The following PCCA variants were observed in gnomAD, a reference collection of about 807,000 sequenced individuals.
The protein encoded by PCCA is propionyl-CoA carboxylase subunit alpha.
A neutral mutation model predicts 101.3 loss-of-function variants in PCCA; 74 were observed. That is an observed-to-expected ratio of 0.73 (90% confidence interval 0.61 to 0.89). The LOEUF is 0.89. PCCA is among the 40% of genes least tolerant of loss of function. The probability of loss-of-function intolerance (pLI) is 0.00; values close to 1 mark genes in which losing one functional copy is unlikely to be tolerated. For synonymous variants in PCCA, 294 were observed against 313.6 expected (o/e 0.94, Z 0.66); for missense variants, 891 against 907.0 (o/e 0.98, Z 0.23).
chr13:100,247,363 C>G (rs184044686), intron 8 of PCCA, among the ~76,000 whole-genome samples: 106 of 151,708 alleles, frequency 7.0e-4, no homozygotes, highest in African/African-American at 2.3e-3. Flanking sequence ...ACTACAGGTG[C>G]CTGCCTCCAC....
intron 17 of PCCA, among the ~76,000 whole-genome samples, chr13:100,335,824 C>T (rs1457874459): frequency 6.6e-6 from 1 of 152,180 alleles, no homozygotes; most frequent in Non-Finnish European, 1.5e-5. Flanking sequence ...AATCTAACCC[C>T]CTGGTGAGAT....
chr13:100,185,621 T>C (rs370068559), intron 6 of PCCA, among the ~76,000 whole-genome samples: 1 of 150,552 alleles, frequency 6.6e-6, no homozygotes, highest in East Asian at 2.0e-4. Context: ...AGTGTTGGGA[T>C]TACAAGTTTT....
chr13:100,441,358 CTA>C (rs1381025061), intron 20 of PCCA, among the ~76,000 whole-genome samples: 3 of 152,104 alleles, frequency 2.0e-5, no homozygotes, highest in Non-Finnish European at 4.4e-5. Context: ...AAAAAGAAAA[CTA>C]TTACTATTTC....
At chr13:100,436,320 G>T (rs967314307) in intron 20 of PCCA, among the ~76,000 whole-genome samples, 4 of 152,218 alleles carry the variant, frequency 2.6e-5, no homozygotes, top group South Asian at 4.1e-4. Flanking sequence ...TGCAAATGAA[G>T]ACTTGGCTGG....
chr13:100,406,784 C>G (rs2077708990), intron 19 of PCCA, among the ~76,000 whole-genome samples: 1 of 152,146 alleles, frequency 6.6e-6, no homozygotes, highest in African/African-American at 2.4e-5. Context: ...CAGCAATATT[C>G]CAAGCAAAAG....
intron 19 of PCCA, among the ~76,000 whole-genome samples, chr13:100,386,953 T>C (rs942612456): frequency 5.9e-5 from 9 of 152,166 alleles, no homozygotes; most frequent in African/African-American, 1.9e-4. Flanking sequence ...TTCAAAATTG[T>C]GCAGTGGAAG....
chr13:100,143,445 G>C (rs1392943856), intron 4 of PCCA, among the ~76,000 whole-genome samples: 1 of 151,006 alleles, frequency 6.6e-6, no homozygotes, highest in East Asian at 1.9e-4. Flanking sequence ...TGAGGCATGA[G>C]AATTGTTTGC....
chr13:100,237,924 TTTC>T, intron 8 of PCCA, among the ~76,000 whole-genome samples: 1 of 129,586 alleles, frequency 7.7e-6, no homozygotes, highest in African/African-American at 3.2e-5. Flanking sequence ...TTCCACTTTC[TTTC>T]TTTCTTTCTT....
chr13:100,320,291 C>G (rs2067878211), intron 16 of PCCA, among the ~76,000 whole-genome samples: 1 of 152,218 alleles, frequency 6.6e-6, no homozygotes, highest in Admixed American at 6.5e-5. Context: ...TTGACTTCCT[C>G]TTTTCCTAAT....
chr13:100,462,433 A>G (rs1042121117), intron 21 of PCCA, among the ~76,000 whole-genome samples: 1 of 152,206 alleles, frequency 6.6e-6, no homozygotes, highest in African/African-American at 2.4e-5. Context: ...ACCCTTAAGT[A>G]GCACACTGGC....
intron 7 of PCCA, among the ~76,000 whole-genome samples, chr13:100,212,956 T>G (rs1431017010): frequency 6.6e-6 from 1 of 152,048 alleles, no homozygotes; most frequent in East Asian, 1.9e-4. Context: ...ATGTTAATTT[T>G]TAGCTCCCAC....
intron 20 of PCCA, among the ~76,000 whole-genome samples, chr13:100,429,560 T>A (rs2079393197): frequency 6.6e-6 from 1 of 151,992 alleles, no homozygotes; most frequent in Non-Finnish European, 1.5e-5. Context: ...TATCATTAAC[T>A]TGTATCATTA....
chr13:100,341,677 C>T (rs2071339145), intron 18 of PCCA, among the ~76,000 whole-genome samples: 1 of 152,024 alleles, frequency 6.6e-6, no homozygotes, highest in Non-Finnish European at 1.5e-5. Flanking sequence ...GTTTTAAAAC[C>T]TGAATTTCAT....
At chr13:100,115,099 A>G (rs935146310) in intron 4 of PCCA, among the ~76,000 whole-genome samples, 2 of 152,242 alleles carry the variant, frequency 1.3e-5, no homozygotes, top group African/African-American at 4.8e-5. Context: ...ATAGAAAAGA[A>G]TGAGATCTTG....
intron 6 of PCCA, among the ~76,000 whole-genome samples, chr13:100,193,581 T>C (rs1369415925): frequency 6.6e-6 from 1 of 152,246 alleles, no homozygotes; most frequent in Non-Finnish European, 1.5e-5. Flanking sequence ...AGTATCATTA[T>C]ATTCCTTGTT....
rs936331853 is a variant in PCCA, at chr13:100,201,884, A to C, written c.469-7448A>C. Among the ~76,000 whole-genome samples the C allele has an allele frequency of 1.7e-3, 209 of 122,822 alleles. 1 individual carries two copies. Among genetic ancestry groups the C allele is most frequent in the African/African-American group, 6.5e-3 (204 of 31,610 alleles). The allele number at this position is 122,822 out of a possible 152,430, so 80.6% of individuals were successfully genotyped here. On this transcript the variant is annotated intron_variant, in intron 6 of 23. Transcript: ENST00000376285. Reference sequence around the variant, plus strand: ...AAAAAAAAAAAAAAAAAAAAAAAAAAAAAACCAAAAGCAGGGAGTGAATGG... The same window carrying C: ...AAAAAAAAAAAAAAAAAAAAAAAAACAAAACCAAAAGCAGGGAGTGAATGG...
intron 7 of PCCA, among the ~76,000 whole-genome samples, chr13:100,227,916 A>G (rs1379207354): frequency 6.6e-6 from 1 of 152,220 alleles, no homozygotes; most frequent in East Asian, 1.9e-4. Flanking sequence ...TTGTGATATG[A>G]AAATAAAACT....
At chr13:100,162,660 G>A (rs922027016) in intron 6 of PCCA, among the ~76,000 whole-genome samples, 2 of 152,092 alleles carry the variant, frequency 1.3e-5, no homozygotes, top group African/African-American at 4.8e-5. Flanking sequence ...GCCAGTGAAG[G>A]CAAATCCTCA....
At position 100,458,386 on chromosome 13, in the gene PCCA, A is replaced by G. The variant is rs890774950; in HGVS notation, c.1899+9081A>G. Among the ~76,000 whole-genome samples, 14 of 132,300 alleles carry G rather than the reference A, an allele frequency of 1.1e-4. 2 individuals are homozygous for G. Among genetic ancestry groups the G allele is most frequent in the African/African-American group, 1.5e-4 (5 of 33,680 alleles). The allele number at this position is 132,300 out of a possible 152,430, so 86.8% of individuals were successfully genotyped here. A position where few individuals can be genotyped will look rare whatever the true frequency, so the allele number is the denominator to read the frequency against. On this transcript the variant is annotated intron_variant, in intron 21 of 23. Transcript: ENST00000376285. ...TACACACACACACACACACACACAC[A>G]CGCACATATACACACAGTGGGACCC...
Sources: gnomAD v4.1 joint callset for allele counts (sites outside exome capture counted in the v4.1 genomes callset) on GRCh38, gnomAD v4.1.1 for gene constraint, MANE v1.5 for transcripts, NCBI Gene and HGNC (gene_info 2026-07-23, HGNC 2026-07-21) for gene names.